The following STMND1 variants were observed in gnomAD, a reference collection of about 807,000 sequenced individuals.
STMND1 encodes stathmin domain-containing protein 1.
STMND1 carries 17 observed loss-of-function variants against 23.0 expected under a neutral mutation model. That is an observed-to-expected ratio of 0.74 (90% CI 0.51 to 1.11). STMND1 has a LOEUF of 1.11. Ranked by LOEUF, STMND1 falls within the 50% of genes least tolerant of loss-of-function variation. STMND1 has a pLI of 0.00. For missense variants in STMND1, 305 were observed against 329.1 expected, an observed-to-expected ratio of 0.93 and a Z score of 0.57; for synonymous variants, 114 against 119.9, an observed-to-expected ratio of 0.95 and a Z score of 0.32.
At position 17,102,084 on chromosome 6, in the gene STMND1, T is replaced by A. The variant is rs530180861; in HGVS notation, c.-174T>A. Among the ~76,000 whole-genome samples, 13 of 152,320 alleles carry A rather than the reference T, an allele frequency of 8.5e-5. No homozygotes were observed. Among genetic ancestry groups the A allele is most frequent in the African/African-American group, 3.1e-4 (13 of 41,594 alleles). On this transcript the variant is annotated 5_prime_UTR_variant, in exon 1 of 5. Coordinates refer to ENST00000536551, the MANE Select transcript of STMND1 (RefSeq NM_001190766.2). ...GACTGCCCAGAAACTCAGTGCGTCC[T>A]GCCCGGGGTTTAAGCGCGGGAAGTG...
At chr6:17,116,629 G>A (rs940048703) in intron 2 of STMND1, among the ~76,000 whole-genome samples, 13 of 151,996 alleles carry the variant, frequency 8.6e-5, no homozygotes, top group African/African-American at 2.2e-4. Flanking sequence ...TAATAGAGAC[G>A]GGGTTTCACC....
At chr6:17,124,453 A>T (rs1196321183) in intron 3 of STMND1, among the ~76,000 whole-genome samples, 1 of 152,182 alleles carries the variant, frequency 6.6e-6, no homozygotes, top group African/African-American at 2.4e-5. Flanking sequence ...TGAATAAAGG[A>T]TGTTGAAAAT....
At chr6:17,126,327 A>T (rs1412455160) in intron 3 of STMND1, among the ~76,000 whole-genome samples, 1 of 151,934 alleles carries the variant, frequency 6.6e-6, no homozygotes, top group Non-Finnish European at 1.5e-5. Flanking sequence ...TACTTAAAAT[A>T]TGGAACTCAA....
intron 2 of STMND1, among the ~76,000 whole-genome samples, chr6:17,117,622 A>G (rs906420995): frequency 9.3e-5 from 13 of 140,458 alleles, no homozygotes; most frequent in Non-Finnish European, 1.4e-4. Context: ...ATGTTTATCA[A>G]TTTGGGTTTG....
intron 1 of STMND1, 111 bp from the exon 2 acceptor site, chr6:17,114,851 T>C (rs1761136893): frequency 8.4e-7 from 1 of 1,184,568 alleles, no homozygotes; most frequent in South Asian, 1.7e-5. Flanking sequence ...CTGGTTACTA[T>C]ACAGCCCACC....
intron 1 of STMND1, among the ~76,000 whole-genome samples, chr6:17,109,871 G>C (rs1169225279): frequency 6.6e-6 from 1 of 152,190 alleles, no homozygotes. Flanking sequence ...CCCTCCTGAT[G>C]ATTTTCATTT....
At chr6:17,115,702 C>G (rs1761150793) in intron 2 of STMND1, among the ~76,000 whole-genome samples, 1 of 152,162 alleles carries the variant, frequency 6.6e-6, no homozygotes, top group South Asian at 2.1e-4. Flanking sequence ...GCCTGGTGTC[C>G]ATTTAAGTCA....
In STMND1 at chr6:17,119,078, ATCT is replaced by A. The variant is rs575454930; in HGVS notation, c.260-1525_260-1523del. ...ATTCACCTCTGACCTTTTCATTGAA[ATCT>A]TCTCCATTGTTTCAAGTTTCTAGTT... On this transcript the variant is annotated intron_variant, in intron 2 of 4. Coordinates refer to ENST00000536551, the MANE Select transcript of STMND1 (RefSeq NM_001190766.2). Among the ~76,000 whole-genome samples the A allele has an allele frequency of 2.7e-3, 416 of 152,224 alleles. 2 individuals carry two copies. Among genetic ancestry groups the A allele is most frequent in the African/African-American group, 9.5e-3 (396 of 41,522 alleles).
chr6:17,108,416 C>T (rs1581366344), intron 1 of STMND1, among the ~76,000 whole-genome samples: 1 of 152,114 alleles, frequency 6.6e-6, no homozygotes, highest in East Asian at 1.9e-4. Context: ...TTGGAAAAAG[C>T]CCAAGAGTCT....
chr6:17,119,227 C>T (rs763576602), intron 2 of STMND1, among the ~76,000 whole-genome samples: 8 of 152,152 alleles, frequency 5.3e-5, no homozygotes, highest in Non-Finnish European at 8.8e-5. Flanking sequence ...TGGACAGATA[C>T]TAAGATAGGA....
chr6:17,113,971 A>C (rs2113480895), intron 1 of STMND1, among the ~76,000 whole-genome samples: 1 of 152,166 alleles, frequency 6.6e-6, no homozygotes, highest in Admixed American at 6.5e-5. Context: ...AATTCACACA[A>C]ATTTAGTGGC....
chr6:17,126,072 T>TA (rs1561925825), intron 3 of STMND1, among the ~76,000 whole-genome samples: 71 of 42,600 alleles, frequency 1.7e-3, no homozygotes, highest in Non-Finnish European at 2.2e-3. Context: ...ATATATATAT[T>TA]TTTTTTTTTT....
chr6:17,119,463 G>A (rs1761201000), intron 2 of STMND1, among the ~76,000 whole-genome samples: 1 of 152,132 alleles, frequency 6.6e-6, no homozygotes, highest in South Asian at 2.1e-4. Context: ...CAGCACTTCG[G>A]GAGGCCGAGA....
At chr6:17,102,933 A>C (rs1181772674) in intron 1 of STMND1, among the ~76,000 whole-genome samples, 3 of 152,184 alleles carry the variant, frequency 2.0e-5, no homozygotes, top group African/African-American at 7.2e-5. Flanking sequence ...AGTTTTCAAG[A>C]GTTTCGTTCC....
intron 4 of STMND1, 92 bp from the exon 5 acceptor site, chr6:17,130,502 G>C: frequency 1.0e-6 from 1 of 984,250 alleles, no homozygotes; most frequent in Non-Finnish European, 1.4e-6. Context: ...TGATGACATA[G>C]AGAAGCCATG....
At chr6:17,106,694 A>AG (rs34369423) in intron 1 of STMND1, among the ~76,000 whole-genome samples, 1 of 152,230 alleles carries the variant, frequency 6.6e-6, no homozygotes, top group Non-Finnish European at 1.5e-5. Flanking sequence ...CATAAGGCTT[A>AG]GGGTTCAGTA....
intron 3 of STMND1, among the ~76,000 whole-genome samples, chr6:17,126,034 TTATATATATATATATATATATA>T (rs1176278436): frequency 2.4e-5 from 1 of 41,984 alleles, no homozygotes; most frequent in African/African-American, 1.3e-4. Flanking sequence ...GATCATTGTT[TTATATATATATATATATATATA>T]TATATATATA....
chr6:17,130,690 G>A lies in STMND1; in HGVS notation c.640G>A (p.Ala214Thr), dbSNP rs1045603450. The change falls in exon 5 of 5, where the codon GCA (alanine) becomes ACA (threonine). Residue 214 changes from alanine to threonine, a missense_variant. Transcript: ENST00000536551. ...AGCTGAATTAGATGGGGCCGAGGTT[G>A]CATTTGCCAAAGGACTTCAAAGGGT... ...DSAELDGAEV[A>T]FAKGLQRVRS... 1 of 1,535,978 alleles carries A rather than the reference G, an allele frequency of 6.5e-7. No homozygotes were observed. Among genetic ancestry groups the A allele is most frequent in the African/African-American group, 1.4e-5 (1 of 73,036 alleles).
chr6:17,120,809 A>G, intron 3 of STMND1, 51 bp downstream of exon 3: 1 of 1,367,438 alleles, frequency 7.3e-7, no homozygotes, highest in Middle Eastern at 1.8e-4. Flanking sequence ...TAGCAATAGA[A>G]TATGATTGAT....
Sources: gnomAD v4.1 joint callset for allele counts (sites outside exome capture counted in the v4.1 genomes callset) on GRCh38, gnomAD v4.1.1 for gene constraint, MANE v1.5 for transcripts, NCBI Gene and HGNC (gene_info 2026-07-23, HGNC 2026-07-21) for gene names.